LRP1B: variants seen among roughly 807,000 people sequenced by gnomAD.
LRP1B encodes the protein LDL receptor related protein 1B.
LRP1B carries 217 observed loss-of-function variants against 556.6 expected under a neutral mutation model. That is an observed-to-expected ratio of 0.39 (90% CI 0.35 to 0.44). The LOEUF (loss-of-function observed/expected upper bound fraction) is 0.44, where lower values mean the gene tolerates loss of function less well. LRP1B is among the 20% of genes least tolerant of loss of function. LRP1B has a pLI of 1.00. For missense variants in LRP1B, 5,053 were observed against 5,620.8 expected (o/e 0.90, Z 3.23); for synonymous variants, 2,047 against 1,865.8 (o/e 1.10, Z -2.50).
intron 32 of LRP1B, among the ~76,000 whole-genome samples, chr2:140,785,566 T>A (rs1573715836): frequency 1.3e-5 from 2 of 152,104 alleles, no homozygotes; most frequent in African/African-American, 4.8e-5. Context: ...TCAAAATCAA[T>A]ATCACCAATA....
At chr2:142,107,276 G>A (rs1221399402) in intron 1 of LRP1B, among the ~76,000 whole-genome samples, 2 of 152,168 alleles carry the variant, frequency 1.3e-5, no homozygotes, top group African/African-American at 2.4e-5. Context: ...TTGTAGAGAG[G>A]TGGAACCTTA....
chr2:140,646,364 C>G lies in LRP1B; in HGVS notation c.6800-44725G>C, dbSNP rs183449069. Among the ~76,000 whole-genome samples, 6 of 152,262 alleles carry G rather than the reference C, an allele frequency of 3.9e-5. No homozygotes were observed. In the East Asian group the frequency reaches 1.2e-3, roughly 29 times the overall value. Reference sequence around the variant, plus strand: ...GTTATATTTAGAGTTCTTACGATTGCATAGCAATGGTATGGTGGTATGTAG... The same window carrying G: ...GTTATATTTAGAGTTCTTACGATTGGATAGCAATGGTATGGTGGTATGTAG... On this transcript the variant is annotated intron_variant, in intron 41 of 90. Coordinates refer to ENST00000389484, the MANE Select transcript of LRP1B (RefSeq NM_018557.3).
chr2:141,722,541 T>C (rs539126827), intron 2 of LRP1B, among the ~76,000 whole-genome samples: 104 of 152,296 alleles, frequency 6.8e-4, no homozygotes, highest in African/African-American at 2.5e-3. Context: ...CTATTTTCTA[T>C]GTAGAATAAT....
At chr2:141,742,385 G>A (rs1165306286) in intron 2 of LRP1B, among the ~76,000 whole-genome samples, 1 of 151,788 alleles carries the variant, frequency 6.6e-6, no homozygotes, top group Non-Finnish European at 1.5e-5. Context: ...TCGAGTAGCT[G>A]GGATTACAGG....
At chr2:140,958,224 A>G (rs189519434) in intron 18 of LRP1B, among the ~76,000 whole-genome samples, 1 of 151,750 alleles carries the variant, frequency 6.6e-6, no homozygotes, top group African/African-American at 2.4e-5. Flanking sequence ...ATATCTTTAG[A>G]TATTTTTAAA....
At chr2:140,464,362 T>C (rs1420471900) in intron 60 of LRP1B, among the ~76,000 whole-genome samples, 1 of 152,162 alleles carries the variant, frequency 6.6e-6, no homozygotes, top group Non-Finnish European at 1.5e-5. Context: ...GTACTCTCCA[T>C]ATAGATTAGG....
At chr2:141,855,610 C>A (rs918319748) in intron 1 of LRP1B, among the ~76,000 whole-genome samples, 2 of 151,976 alleles carry the variant, frequency 1.3e-5, no homozygotes, top group South Asian at 2.1e-4. Flanking sequence ...CAATAATAAG[C>A]CTATGCCACA....
chr2:141,478,466 C>T (rs542448533), intron 3 of LRP1B, among the ~76,000 whole-genome samples: 7 of 151,998 alleles, frequency 4.6e-5, no homozygotes, highest in Non-Finnish European at 1.0e-4. Flanking sequence ...GAAAATTAAA[C>T]TCTTTAATGC....
At chr2:141,426,417 G>A (rs572202996) in intron 3 of LRP1B, among the ~76,000 whole-genome samples, 1 of 152,278 alleles carries the variant, frequency 6.6e-6, no homozygotes, top group Non-Finnish European at 1.5e-5. Flanking sequence ...TAACTGAAAT[G>A]CAGGTTTTAG....
At position 140,994,118 on chromosome 2, in the gene LRP1B, G is replaced by A. The variant is rs1462237601; in HGVS notation, c.2521C>T (p.Leu841=). 3 of 1,612,406 alleles carry A rather than the reference G, an allele frequency of 1.9e-6. No homozygotes were observed. The highest frequency in any genetic ancestry group is 1.7e-6 in the Non-Finnish European group (2 of 1,178,936). Residue 841 remains leucine, a synonymous_variant, in exon 16 of 91, where the codon CTA becomes TTA. Transcript: ENST00000389484. ...TTCTFNPGEA[L]PHICKAGEFR... is the part of the protein sequence containing the mutation. ...TCTCCAGCTTTACATATGTGAGGTAGTGCTTCTCCAGGATTAACTAGAGTT... is the reference window on the plus strand; with the variant it reads ...TCTCCAGCTTTACATATGTGAGGTAATGCTTCTCCAGGATTAACTAGAGTT...
chr2:140,869,232 A>G (rs1693048728), intron 25 of LRP1B, among the ~76,000 whole-genome samples: 1 of 152,062 alleles, frequency 6.6e-6, no homozygotes, highest in Non-Finnish European at 1.5e-5. Flanking sequence ...CATTCAATAA[A>G]TTTTACTCCG....
chr2:141,904,575 T>C (rs372453669), intron 1 of LRP1B, among the ~76,000 whole-genome samples: 54 of 152,014 alleles, frequency 3.6e-4, no homozygotes, highest in African/African-American at 1.2e-3. Context: ...ATATTCAGTC[T>C]GATTTTAAGA....
Position 140,501,848 on chromosome 2 carries a change from T to C in LRP1B, c.8689A>G (p.Met2897Val), listed in dbSNP as rs146626756. The C allele has an allele frequency of 1.6e-4, 254 of 1,605,908 alleles. No homozygotes were observed. Among genetic ancestry groups the C allele is most frequent in the Admixed American group, 1.7e-4 (10 of 59,068 alleles). Residue 2897 changes from methionine (M) to valine (V), a missense_variant, in exon 55 of 91, where the codon ATG (methionine) becomes GTG (valine). Physicochemically the swap from Met to Val is conservative, Grantham distance 21 (BLOSUM62 1). Around this residue, in one of 5 missense-constraint regions of LRP1B, gnomAD observed 3,619 missense variants for 3,931.9 expected, o/e 0.92. Coordinates refer to ENST00000389484, the MANE Select transcript of LRP1B (RefSeq NM_018557.3). Reference protein sequence around the residue: ...AEQSCNSSFFMCKNGRCIPSG... With the variant: ...AEQSCNSSFFVCKNGRCIPSG... Reference sequence around the variant, plus strand: ...GGAATGCACCTGCCATTTTTGCACATAAAAAATGAACTGTTGCATGACTGT... The same window carrying C: ...GGAATGCACCTGCCATTTTTGCACACAAAAAATGAACTGTTGCATGACTGT...
chr2:140,400,300 G>T (rs1249226056), intron 66 of LRP1B, among the ~76,000 whole-genome samples: 1 of 152,172 alleles, frequency 6.6e-6, no homozygotes, highest in Non-Finnish European at 1.5e-5. Context: ...ACTGACAGTA[G>T]CTGATGAATA....
In LRP1B at chr2:141,463,617, ATGTAT is replaced by A. The variant is rs1313527834; in HGVS notation, c.343+16774_343+16778del. ...TATATATTATATATTATATATAATT[ATGTAT>A]TATATATTATTATATATTATATATT... is the stretch of plus-strand genomic sequence containing the variant. On this transcript the variant is annotated intron_variant, in intron 3 of 90. Transcript: ENST00000389484. Among the ~76,000 whole-genome samples the A allele has an allele frequency of 1.0e-3, 59 of 56,982 alleles. 1 individual carries two copies. Among genetic ancestry groups the A allele is most frequent in the African/African-American group, 4.2e-3 (55 of 13,156 alleles). 37.4% of individuals were successfully genotyped at this position (56,982 alleles called of 152,430 possible). A position where few individuals can be genotyped will look rare whatever the true frequency, so the allele number is the denominator to read the frequency against.
At chr2:141,237,181 G>A (rs961528613) in intron 5 of LRP1B, among the ~76,000 whole-genome samples, 7 of 152,086 alleles carry the variant, frequency 4.6e-5, no homozygotes, top group Non-Finnish European at 1.0e-4. Context: ...ATGAAGTCAA[G>A]GATTATTTGG....
chr2:142,030,054 G>A (rs1447290688), intron 1 of LRP1B, among the ~76,000 whole-genome samples: 3 of 149,084 alleles, frequency 2.0e-5, no homozygotes, highest in Middle Eastern at 6.9e-3. Flanking sequence ...AAAAAACTCT[G>A]CAAGTTGCTT....
chr2:142,038,161 C>T (rs1703950393), intron 1 of LRP1B, among the ~76,000 whole-genome samples: 1 of 151,604 alleles, frequency 6.6e-6, no homozygotes. Context: ...TCTCTTTCAG[C>T]TATTGCTCAT....
At chr2:141,188,304 C>A in intron 7 of LRP1B, 117 bp downstream of exon 7, 2 of 970,928 alleles carry the variant, frequency 2.1e-6, no homozygotes, top group South Asian at 1.6e-5. Flanking sequence ...TTAAAATCAA[C>A]ATTTCTAAAA....
Sources: gnomAD v4.1 joint callset for allele counts (sites outside exome capture counted in the v4.1 genomes callset) on GRCh38, gnomAD v4.1.1 for gene constraint, gnomAD v4.1.1 regional missense constraint, MANE v1.5 for transcripts, NCBI Gene and HGNC (gene_info 2026-07-23, HGNC 2026-07-21) for gene names.